BTAF1: variants seen among roughly 807,000 people sequenced by gnomAD.
BTAF1 encodes the protein TATA-binding protein-associated factor 172.
BTAF1 carries 38 observed loss-of-function variants against 227.1 expected under a neutral mutation model. The ratio of observed to expected loss-of-function variants is 0.17; its 90% CI spans 0.13 to 0.22. The LOEUF is 0.22. Among genes scored for constraint, BTAF1 ranks in the 10% least tolerant of loss-of-function variants. BTAF1 has a pLI of 1.00. For synonymous variants in BTAF1, 742 were observed against 751.9 expected, an observed-to-expected ratio of 0.99 and a Z score of 0.21; for missense variants, 1,598 against 2,204.0, an observed-to-expected ratio of 0.73 and a Z score of 5.51.
intron 4 of BTAF1, among the ~76,000 whole-genome samples, chr10:91,949,593 G>A (rs1439787160): frequency 3.3e-5 from 5 of 152,040 alleles, no homozygotes; most frequent in Admixed American, 3.3e-4. Context: ...CTTTGCTCTG[G>A]ACAATAGCTC....
At chr10:91,998,122 C>A in intron 25 of BTAF1, among the ~76,000 whole-genome samples, 1 of 71,026 alleles carries the variant, frequency 1.4e-5, no homozygotes, top group African/African-American at 4.7e-5. Flanking sequence ...AGCGAGACTC[C>A]ATCTCAAAAA....
In BTAF1 at chr10:91,997,649, T is replaced by C. The variant is rs1277448674; in HGVS notation, c.3558T>C (p.Leu1186=). Residue 1186 remains leucine, a synonymous_variant, in exon 25 of 38, where the codon CTT becomes CTC. Transcript: ENST00000265990. ...LDVGIVPYIV[L]LVVPVLGRMS... Reference sequence around the variant, plus strand: ...TTGGTATTGTTCCATATATTGTCCTTTTAGTTGTTCCTGTATTAGGAAGAA... The same window carrying C: ...TTGGTATTGTTCCATATATTGTCCTCTTAGTTGTTCCTGTATTAGGAAGAA... 6.2e-7 allele frequency: 1 copy of C among 1,613,710 alleles called. No homozygotes were observed. Among genetic ancestry groups the C allele is most frequent in the Non-Finnish European group, 8.5e-7 (1 of 1,179,756 alleles).
In BTAF1 at chr10:91,982,743, A is replaced by G; in HGVS notation, c.2205A>G (p.Glu735=). 6.2e-7 allele frequency: 1 copy of G among 1,609,690 alleles called. No individual in the cohort carries two copies. Among genetic ancestry groups the G allele is most frequent in the Non-Finnish European group, 8.5e-7 (1 of 1,178,112 alleles). Residue 735 remains glutamate (E), a synonymous_variant, in exon 18 of 38, where the codon GAA becomes GAG. Transcript: ENST00000265990. ...QRISVALVIC[E]WAALQKECKA... ...TTAGTGTAGCTTTGGTAATCTGTGA[A>G]TGGGCTGCTTTACAAAAGGTAAGAT...
At chr10:91,959,289 A>G (rs1436019150) in intron 9 of BTAF1, 135 bp downstream of exon 9, 9 of 1,467,222 alleles carry the variant, frequency 6.1e-6, no homozygotes, top group Non-Finnish European at 8.1e-6. Flanking sequence ...AAAGGTAAAT[A>G]TCATACAATG....
intron 34 of BTAF1, among the ~76,000 whole-genome samples, chr10:92,021,385 T>C (rs970606040): frequency 6.6e-6 from 1 of 152,168 alleles, no homozygotes; most frequent in African/African-American, 2.4e-5. Flanking sequence ...GAGTTTGATT[T>C]GATGGCAAAT....
At chr10:91,938,319 A>G (rs1256051587) in intron 2 of BTAF1, among the ~76,000 whole-genome samples, 2 of 152,206 alleles carry the variant, frequency 1.3e-5, no homozygotes, top group African/African-American at 4.8e-5. Context: ...TTGGTGTCAT[A>G]TCTAAGAAAC....
At chr10:91,990,254 G>T (rs1297482406) in intron 20 of BTAF1, among the ~76,000 whole-genome samples, 1 of 152,164 alleles carries the variant, frequency 6.6e-6, no homozygotes, top group South Asian at 2.1e-4. Context: ...GTGCAGCATA[G>T]ATCTTGAAAA....
In BTAF1 at chr10:91,957,142, G is replaced by C. The variant is rs7894570; in HGVS notation, c.832-83G>C. On this transcript the variant is annotated intron_variant, in intron 7 of 37. Transcript: ENST00000265990. ...AGCCTGATTGCTACTACTAGACCTA[G>C]AAATAAAATTTATTAAGTTACTTAA... 1 allele frequency: 1,150,226 copies of C among 1,154,042 alleles called. 573,297 individuals carry two copies. Among genetic ancestry groups the C allele is most frequent in the East Asian group, 1 (41,338 of 41,338 alleles). The allele number at this position is 1,154,042 out of a possible 1,614,324, so 71.5% of individuals were successfully genotyped here. A position where few individuals can be genotyped will look rare whatever the true frequency, so the allele number is the denominator to read the frequency against.
Position 92,007,208 on chromosome 10 carries a change from G to GTTTT in BTAF1, c.3661-914_3661-913insTTTT, listed in dbSNP as rs1305916202. Among the ~76,000 whole-genome samples the GTTTT allele has an allele frequency of 3.8e-4, 31 of 81,572 alleles. 1 individual carries two copies. The highest frequency in any genetic ancestry group is 6.4e-4 in the Non-Finnish European group (23 of 36,194). The allele number at this position is 81,572 out of a possible 152,430, so 53.5% of individuals were successfully genotyped here. A position where few individuals can be genotyped will look rare whatever the true frequency, so the allele number is the denominator to read the frequency against. On this transcript the variant is annotated intron_variant, in intron 25 of 37. Coordinates refer to ENST00000265990, the MANE Select transcript of BTAF1 (RefSeq NM_003972.3). ...TTACTGCTCTATCAAGGTATTTTTT[G>GTTTT]TCTTTTTTTTTTTTTTTTTTTTTTT...
chr10:91,993,210 T>C (rs1848917838), intron 21 of BTAF1, among the ~76,000 whole-genome samples: 1 of 152,212 alleles, frequency 6.6e-6, no homozygotes. Context: ...ATTTTAAAAA[T>C]ATAAATATCT....
At chr10:92,008,446 C>T (rs1156844544) in intron 26 of BTAF1, among the ~76,000 whole-genome samples, 171 bp downstream of exon 26, 1 of 151,886 alleles carries the variant, frequency 6.6e-6, no homozygotes, top group African/African-American at 2.4e-5. Flanking sequence ...TGGACTCAGG[C>T]CATCTTCCCA....
Position 91,923,857 on chromosome 10 carries a change from C to T in BTAF1, c.-220C>T, listed in dbSNP as rs542270022. On this transcript the variant is annotated 5_prime_UTR_variant, in exon 1 of 38. Transcript: ENST00000265990. ...GTGCGGGTCGGAGGACTGCCGCCTC[C>T]GCTACCGTCTTGGACCCCTGCTTAC... The T allele has an allele frequency of 2.1e-5, 10 of 467,988 alleles. No individual in the cohort carries two copies. The highest frequency in any genetic ancestry group is 1.8e-4 in the African/African-American group (9 of 48,990). The allele number at this position is 467,988 out of a possible 1,614,324, so 29.0% of individuals were successfully genotyped here.
Position 91,989,199 on chromosome 10 carries a change from C to G in BTAF1, c.2473C>G (p.Pro825Ala), listed in dbSNP as rs774232595. Residue 825 changes from proline to alanine, a missense_variant, in exon 20 of 38, where the codon CCT becomes GCT. Pro to Ala is a conservative substitution (Grantham distance 27). Coordinates refer to ENST00000265990, the MANE Select transcript of BTAF1 (RefSeq NM_003972.3). ...NEATSSFDLN[P>A]QVLQQLDSKR... ...AGCCACATCATCTTTCGATTTAAAT[C>G]CTCAAGTGTTACAACAGTTAGATAG... The G allele has an allele frequency of 5.0e-6, 8 of 1,613,862 alleles. No homozygotes were observed. The East Asian group carries it at 1.8e-4, about 36-fold the overall frequency.
intron 2 of BTAF1, among the ~76,000 whole-genome samples, chr10:91,939,515 T>C (rs1405394699): frequency 6.6e-6 from 1 of 152,222 alleles, no homozygotes; most frequent in Non-Finnish European, 1.5e-5. Flanking sequence ...CTCGGCTCAC[T>C]GCAACCTCTG....
In BTAF1 at chr10:91,977,902, A is replaced by G. The variant is rs1233863070; in HGVS notation, c.1651-2552A>G. Reference sequence around the variant, plus strand: ...GGTTCATAGCAAAATTGAAGGGAAAAGTACAGTTTCCATATATCCCATCCC... The same window carrying G: ...GGTTCATAGCAAAATTGAAGGGAAAGGTACAGTTTCCATATATCCCATCCC... On this transcript the variant is annotated intron_variant, in intron 14 of 37. Coordinates refer to ENST00000265990, the MANE Select transcript of BTAF1 (RefSeq NM_003972.3). Among the ~76,000 whole-genome samples the G allele has an allele frequency of 2.6e-5, 4 of 152,174 alleles. No homozygotes were observed. In the East Asian group the frequency reaches 7.7e-4, roughly 29 times the overall value.
At position 91,924,007 on chromosome 10, in the gene BTAF1, C is replaced by T. The variant is rs767607301; in HGVS notation, c.-70C>T. The stretch of plus-strand genomic sequence containing the variant: ...CGGCCTGGGCCTGCGCCGCTCAGCT[C>T]TCTGGAAACTAGCGCCTCAGCTGCG... On this transcript the variant is annotated 5_prime_UTR_variant, in exon 1 of 38. Coordinates refer to ENST00000265990, the MANE Select transcript of BTAF1 (RefSeq NM_003972.3). 2.8e-4 allele frequency: 436 copies of T among 1,572,854 alleles called. No homozygotes were observed. The highest frequency in any genetic ancestry group is 3.6e-4 in the Non-Finnish European group (417 of 1,162,924).
chr10:91,996,729 T>A (rs1849167990), intron 24 of BTAF1, among the ~76,000 whole-genome samples, 159 bp downstream of exon 24: 2 of 152,206 alleles, frequency 1.3e-5, no homozygotes, highest in Admixed American at 1.3e-4. Flanking sequence ...ATTTTTGTAT[T>A]TTATTACAAA....
intron 34 of BTAF1, among the ~76,000 whole-genome samples, chr10:92,019,169 C>T (rs1360062756): frequency 6.6e-6 from 1 of 152,146 alleles, no homozygotes; most frequent in Non-Finnish European, 1.5e-5. Context: ...TGTTGTACAA[C>T]CATCAGCATT....
intron 4 of BTAF1, among the ~76,000 whole-genome samples, chr10:91,944,121 C>T (rs553854600): frequency 6.6e-6 from 1 of 150,892 alleles, no homozygotes; most frequent in South Asian, 2.1e-4. Context: ...CATTGCACTC[C>T]AGCCTGGGTG....
Sources: allele counts gnomAD v4.1 joint callset (sites outside exome capture counted in the v4.1 genomes callset), GRCh38; gene constraint gnomAD v4.1.1; transcripts MANE v1.5; gene names NCBI Gene and HGNC (gene_info 2026-07-23, HGNC 2026-07-21).